Variants in NKAIN2 observed in about 807,000 individuals in gnomAD.
NKAIN2 encodes the protein sodium/potassium-transporting ATPase subunit beta-1-interacting protein 2.
NKAIN2 carries 14 observed loss-of-function variants against 32.6 expected under a neutral mutation model. The observed-to-expected ratio is 0.43, with a 90% confidence interval of 0.28 to 0.67. The LOEUF (loss-of-function observed/expected upper bound fraction) is 0.67. Among genes scored for constraint, NKAIN2 ranks in the 30% least tolerant of loss-of-function variants. The pLI, the probability that NKAIN2 is intolerant of heterozygous loss-of-function variation, is 0.17. For missense variants in NKAIN2, 198 were observed against 258.3 expected (o/e 0.77, Z 1.60); for synonymous variants, 80 against 87.2 (o/e 0.92, Z 0.46).
intron 1 of NKAIN2, among the ~76,000 whole-genome samples, chr6:124,217,771 GTATA>G (rs200796099): frequency 7.6e-6 from 1 of 131,048 alleles, no homozygotes; most frequent in Non-Finnish European, 1.7e-5. Context: ...GTAGATATAT[GTATA>G]TATATATATG....
intron 1 of NKAIN2, among the ~76,000 whole-genome samples, chr6:123,992,625 A>C (rs1779460052): frequency 6.6e-6 from 1 of 152,224 alleles, no homozygotes; most frequent in South Asian, 2.1e-4. Flanking sequence ...AAGGGACAAG[A>C]TATAAACCTA....
intron 4 of NKAIN2, among the ~76,000 whole-genome samples, chr6:124,672,274 T>C (rs576856991): frequency 1.4e-4 from 21 of 152,170 alleles, no homozygotes; most frequent in African/African-American, 4.8e-4. Context: ...AGGGGATGAT[T>C]TGTAAGAATA....
At chr6:124,812,240 T>C (rs1780934242) in intron 5 of NKAIN2, among the ~76,000 whole-genome samples, 1 of 152,212 alleles carries the variant, frequency 6.6e-6, no homozygotes, top group Admixed American at 6.5e-5. Flanking sequence ...GTAGATTGTC[T>C]ATAAAAAGTC....
chr6:124,720,390 GATTA>G (rs1177609039), intron 4 of NKAIN2, among the ~76,000 whole-genome samples: 1 of 152,148 alleles, frequency 6.6e-6, no homozygotes, highest in African/African-American at 2.4e-5. Flanking sequence ...TAGGATGCTT[GATTA>G]ATTAATTTTA....
intron 1 of NKAIN2, among the ~76,000 whole-genome samples, chr6:124,261,627 A>T (rs186533029): frequency 6.6e-6 from 1 of 152,160 alleles, no homozygotes; most frequent in Non-Finnish European, 1.5e-5. Flanking sequence ...TTGGGGGCCA[A>T]GGTAGGTGGA....
intron 3 of NKAIN2, among the ~76,000 whole-genome samples, chr6:124,531,431 T>A (rs530386464): frequency 6.6e-6 from 1 of 152,350 alleles, no homozygotes; most frequent in African/African-American, 2.4e-5. Flanking sequence ...TTTAATGTAC[T>A]ATTTAATTCA....
At chr6:124,271,996 T>C (rs1487611884) in intron 1 of NKAIN2, among the ~76,000 whole-genome samples, 1 of 152,160 alleles carries the variant, frequency 6.6e-6, no homozygotes, top group Non-Finnish European at 1.5e-5. Context: ...CGTTCAAGCA[T>C]TCAGTTTTAT....
chr6:124,591,574 A>G (rs369899785), intron 3 of NKAIN2, among the ~76,000 whole-genome samples: 2 of 152,060 alleles, frequency 1.3e-5, no homozygotes, highest in East Asian at 3.9e-4. Context: ...GCAAAAAAAT[A>G]ATTTTTTTGT....
At chr6:123,814,109 C>T (rs1170551081) in intron 1 of NKAIN2, among the ~76,000 whole-genome samples, 1 of 152,064 alleles carries the variant, frequency 6.6e-6, no homozygotes, top group African/African-American at 2.4e-5. Context: ...CTTTTCTATG[C>T]ACCTGGAATT....
intron 2 of NKAIN2, among the ~76,000 whole-genome samples, chr6:124,337,999 T>C (rs1341808527): frequency 6.6e-6 from 1 of 152,132 alleles, no homozygotes; most frequent in African/African-American, 2.4e-5. Context: ...TGCTATGAAT[T>C]TTTTCATGAA....
At chr6:123,984,149 C>T (rs960011579) in intron 1 of NKAIN2, among the ~76,000 whole-genome samples, 18 of 152,136 alleles carry the variant, frequency 1.2e-4, no homozygotes, top group South Asian at 4.1e-4. Flanking sequence ...TCAGGTGATC[C>T]GCCCATCTCA....
chr6:124,151,271 T>C (rs1787706349), intron 1 of NKAIN2, among the ~76,000 whole-genome samples: 1 of 152,066 alleles, frequency 6.6e-6, no homozygotes, highest in Non-Finnish European at 1.5e-5. Flanking sequence ...TTTTATTTTA[T>C]TGAAGGTATA....
chr6:124,436,994 T>G (rs1775475360), intron 3 of NKAIN2, among the ~76,000 whole-genome samples: 1 of 152,122 alleles, frequency 6.6e-6, no homozygotes. Context: ...CCACACTGTC[T>G]CAGAGCTTTT....
intron 1 of NKAIN2, among the ~76,000 whole-genome samples, chr6:123,866,784 C>T (rs1377666470): frequency 6.6e-6 from 1 of 152,142 alleles, no homozygotes; most frequent in Admixed American, 6.5e-5. Flanking sequence ...ATGTAATCCT[C>T]CTGTTAAAAC....
intron 4 of NKAIN2, among the ~76,000 whole-genome samples, chr6:124,780,653 T>G (rs1359714330): frequency 6.6e-6 from 1 of 152,190 alleles, no homozygotes; most frequent in Non-Finnish European, 1.5e-5. Context: ...ATCATGTCTT[T>G]ACCTTGTGAG....
At chr6:124,395,891 A>C (rs945650766) in intron 3 of NKAIN2, among the ~76,000 whole-genome samples, 13 of 152,134 alleles carry the variant, frequency 8.5e-5, no homozygotes, top group Admixed American at 3.9e-4. Flanking sequence ...AGTATCATTT[A>C]GTCTTGTGGT....
At chr6:124,397,527 G>GTT (rs71776352) in intron 3 of NKAIN2, among the ~76,000 whole-genome samples, 4,058 of 145,004 alleles carry the variant, frequency 0.028, 62 homozygotes, top group Non-Finnish European at 0.033. Flanking sequence ...GTCACAGAGA[G>GTT]TTTTTTTTTT....
intron 1 of NKAIN2, among the ~76,000 whole-genome samples, chr6:124,023,052 ATG>A (rs1299466520): frequency 6.6e-6 from 1 of 151,500 alleles, no homozygotes; most frequent in Non-Finnish European, 1.5e-5. Flanking sequence ...ATATGTATGT[ATG>A]TATGTATGTA....
chr6:123,850,148 A>T (rs1775271786), intron 1 of NKAIN2, among the ~76,000 whole-genome samples: 1 of 151,040 alleles, frequency 6.6e-6, no homozygotes. Context: ...GAACATGTGC[A>T]CTGATAATCC....
Sources: allele counts gnomAD v4.1 joint callset (sites outside exome capture counted in the v4.1 genomes callset), GRCh38; gene constraint gnomAD v4.1.1; transcripts MANE v1.5; gene names NCBI Gene and HGNC (gene_info 2026-07-23, HGNC 2026-07-21).